Variants in TACC2 observed in about 807,000 individuals in gnomAD.
TACC2 encodes transforming acidic coiled-coil-containing protein 2.
A neutral mutation model predicts 227.3 loss-of-function variants in TACC2; 137 were observed. The observed-to-expected ratio is 0.60, with a 90% confidence interval of 0.52 to 0.69. The LOEUF (loss-of-function observed/expected upper bound fraction) is 0.69, where lower values mean the gene tolerates loss of function less well. TACC2 is among the 30% of genes least tolerant of loss of function. The pLI, the probability that TACC2 is intolerant of heterozygous loss-of-function variation, is 0.00. For synonymous variants in TACC2, 1,523 were observed against 1,487.5 expected (o/e 1.02, Z -0.55); for missense variants, 3,470 against 3,694.4 (o/e 0.94, Z 1.57).
chr10:122,086,665 T>C lies in TACC2; in HGVS notation c.4165T>C (p.Ser1389Pro). The change falls in exon 4 of 23, where the codon TCA (serine) becomes CCA (proline). Residue 1389 changes from serine to proline, a missense_variant. This residue lies in a region of TACC2 where 1,924 missense variants were observed against 1,978.3 expected (regional missense o/e 0.97). Coordinates refer to ENST00000369005, the MANE Select transcript of TACC2 (RefSeq NM_206862.4). Reference protein sequence around the residue: ...EPSQDPKQGTSGGVDTSSEQI... With the variant: ...EPSQDPKQGTPGGVDTSSEQI... ...TTCCCAGGACCCAAAGCAGGGCACA[T>C]CAGGTGGTGTGGACACAAGCTCTGA... 1 of 1,611,774 alleles carries C rather than the reference T, an allele frequency of 6.2e-7. No individual in the cohort carries two copies. Among genetic ancestry groups the C allele is most frequent in the Non-Finnish European group, 8.5e-7 (1 of 1,178,886 alleles).
rs767055639 is a variant in TACC2, at chr10:122,143,603, C to T, written c.5731C>T (p.Pro1911Ser). Residue 1911 changes from proline (P) to serine (S), a missense_variant, in exon 7 of 23, where the codon CCT becomes TCT. This residue lies in a region of TACC2 where 1,924 missense variants were observed against 1,978.3 expected (regional missense o/e 0.97). Transcript: ENST00000369005. ...CCCAGCTGCTGCCCATGCGGGTCTT[C>T]CTCCCTCGGCTGCAGAACACATAGT... is the stretch of plus-strand genomic sequence containing the variant. The part of the protein sequence containing the change: ...ISPAAAHAGL[P>S]PSAAEHIVSP... The T allele has an allele frequency of 1.2e-6, 2 of 1,614,112 alleles. No individual in the cohort carries two copies. Among genetic ancestry groups the T allele is most frequent in the Non-Finnish European group, 1.7e-6 (2 of 1,179,940 alleles).
In TACC2 at chr10:122,194,499, C is replaced by T. The variant is rs992212227; in HGVS notation, c.5835-541C>T. On this transcript the variant is annotated intron_variant, in intron 7 of 22. Coordinates refer to ENST00000369005, the MANE Select transcript of TACC2 (RefSeq NM_206862.4). This position sits in a 1 kb window ranked among gnomAD's most constrained non-coding sequence, Gnocchi z 4.4. Reference sequence around the variant, plus strand: ...TCAACACATGTTCATTCCCGGCCCTCCACTGTAGGCTTGGAGATACTGTGA... The same window carrying T: ...TCAACACATGTTCATTCCCGGCCCTTCACTGTAGGCTTGGAGATACTGTGA... Among the ~76,000 whole-genome samples, 2 of 152,186 alleles carry T rather than the reference C, an allele frequency of 1.3e-5. No individual in the cohort carries two copies. The highest frequency in any genetic ancestry group is 2.4e-5 in the African/African-American group (1 of 41,446).
At chr10:122,229,295 C>G (rs764463260) in intron 14 of TACC2, 51 bp from the exon 15 acceptor site, 3 of 1,607,608 alleles carry the variant, frequency 1.9e-6, no homozygotes, top group Non-Finnish European at 1.7e-6. Context: ...CAATATCACT[C>G]TCTGTTCTCC....
chr10:122,057,296 G>A (rs1426494780), intron 3 of TACC2, among the ~76,000 whole-genome samples: 1 of 152,214 alleles, frequency 6.6e-6, no homozygotes, highest in African/African-American at 2.4e-5. Context: ...GAGGGGTGGA[G>A]GGTGCCGGCT....
At chr10:122,159,654 G>A (rs752546699) in intron 7 of TACC2, among the ~76,000 whole-genome samples, 1 of 152,180 alleles carries the variant, frequency 6.6e-6, no homozygotes, top group Non-Finnish European at 1.5e-5. Context: ...AAGAGAAGTC[G>A]CTGGGGTTTT....
At chr10:122,107,305 C>T (rs375962912) in intron 5 of TACC2, among the ~76,000 whole-genome samples, 5 of 152,170 alleles carry the variant, frequency 3.3e-5, no homozygotes, top group Admixed American at 6.6e-5. Context: ...GAGGCCGAGG[C>T]GCGTGGATCA....
At chr10:122,157,913 C>CTGAATGT (rs2092589727) in intron 7 of TACC2, among the ~76,000 whole-genome samples, 1 of 151,240 alleles carries the variant, frequency 6.6e-6, no homozygotes, top group Admixed American at 6.6e-5. Context: ...TCTTTTCGAA[C>CTGAATGT]GTGGTATGTG....
intron 2 of TACC2, among the ~76,000 whole-genome samples, chr10:122,040,968 G>A (rs1471593085): frequency 6.6e-6 from 1 of 152,172 alleles, no homozygotes; most frequent in Non-Finnish European, 1.5e-5. Flanking sequence ...GTCCCCCCGG[G>A]TCGGGTCCCT....
intron 2 of TACC2, among the ~76,000 whole-genome samples, chr10:122,031,465 C>T (rs1300754584): frequency 7.4e-6 from 1 of 134,616 alleles, no homozygotes; most frequent in African/African-American, 2.9e-5. Context: ...AGTGCAGTGG[C>T]ACAATCTCGG....
At chr10:122,154,918 C>T (rs1364374609) in intron 7 of TACC2, among the ~76,000 whole-genome samples, 1 of 152,198 alleles carries the variant, frequency 6.6e-6, no homozygotes, top group East Asian at 1.9e-4. Flanking sequence ...TTCATGGAGG[C>T]TTGAGTCAGC....
chr10:122,030,263 C>T (rs971348371), intron 2 of TACC2, among the ~76,000 whole-genome samples: 3 of 152,098 alleles, frequency 2.0e-5, no homozygotes, highest in South Asian at 2.1e-4. Flanking sequence ...ATTTTTCTCC[C>T]CATTACTTTC....
chr10:121,992,359 G>A (rs1317956323), intron 1 of TACC2, among the ~76,000 whole-genome samples: 4 of 152,194 alleles, frequency 2.6e-5, no homozygotes, highest in African/African-American at 7.2e-5. Flanking sequence ...GTGAAAACAC[G>A]CCACATGGTT....
intron 15 of TACC2, among the ~76,000 whole-genome samples, chr10:122,230,097 C>T (rs994855510): frequency 6.6e-6 from 1 of 152,114 alleles, no homozygotes; most frequent in Admixed American, 6.5e-5. Context: ...ATTTTGATCC[C>T]ATTTTGAAAA....
At chr10:122,238,512 A>G (rs1973974) in intron 18 of TACC2, among the ~76,000 whole-genome samples, 69,319 of 152,054 alleles carry the variant, frequency 0.46, 16,415 homozygotes, top group East Asian at 0.74. Context: ...CAGTGGCGCC[A>G]CCTCGGCTCA....
At chr10:122,092,936 A>G (rs973964014) in intron 5 of TACC2, among the ~76,000 whole-genome samples, 1 of 152,212 alleles carries the variant, frequency 6.6e-6, no homozygotes, top group Non-Finnish European at 1.5e-5. Flanking sequence ...ACCTACGTAC[A>G]TATACAACTA....
chr10:122,121,291 C>G (rs1379664162), intron 5 of TACC2, among the ~76,000 whole-genome samples: 1 of 152,198 alleles, frequency 6.6e-6, no homozygotes, highest in Non-Finnish European at 1.5e-5. Context: ...GTGTGCTGGG[C>G]ACCTTGCTAC....
At chr10:122,126,336 G>GTGTGTGTGTGTGTA (rs1159822683) in intron 5 of TACC2, among the ~76,000 whole-genome samples, 1 of 151,898 alleles carries the variant, frequency 6.6e-6, no homozygotes, top group Non-Finnish European at 1.5e-5. Context: ...GTGTGTGTGT[G>GTGTGTGTGTGTGTA]TGTGTGTGTG....
At chr10:122,043,570 T>TGTCTCTCTGTCTCTC (rs2074611469) in intron 2 of TACC2, among the ~76,000 whole-genome samples, 1 of 149,560 alleles carries the variant, frequency 6.7e-6, no homozygotes, top group Non-Finnish European at 1.5e-5. Flanking sequence ...CTCTCTCTCT[T>TGTCTCTCTGTCTCTC]TCTTTCTTCC....
rs929695910 is a variant in TACC2 at position 122,055,342 on chromosome 10, A to G, written c.146+4792A>G. Among the ~76,000 whole-genome samples, 7 of 152,350 alleles carry G rather than the reference A, an allele frequency of 4.6e-5. No homozygotes were observed. In the East Asian group the frequency reaches 9.7e-4, roughly 21 times the overall value. Reference sequence around the variant, plus strand: ...GGCACAGTGAAAAACATGTTAGGGCATATATTGCATGATCAAAAAATGGCA... The same window carrying G: ...GGCACAGTGAAAAACATGTTAGGGCGTATATTGCATGATCAAAAAATGGCA... On this transcript the variant is annotated intron_variant, in intron 3 of 22. Transcript: ENST00000369005.
Sources: allele counts gnomAD v4.1 joint callset (sites outside exome capture counted in the v4.1 genomes callset), GRCh38; gene constraint gnomAD v4.1.1; regional missense constraint gnomAD v4.1.1; non-coding constraint Gnocchi (gnomAD v3.1); transcripts MANE v1.5; gene names NCBI Gene and HGNC (gene_info 2026-07-23, HGNC 2026-07-21).